DCC: variants seen among roughly 807,000 people sequenced by gnomAD.
DCC encodes DCC netrin 1 receptor, also known as netrin receptor DCC.
In DCC, 58 loss-of-function variants were observed where a neutral mutation model predicts 172.5. The ratio of observed to expected loss-of-function variants is 0.34; its 90% CI spans 0.27 to 0.42. DCC has a LOEUF of 0.42. Ranked by LOEUF, DCC falls within the 10% of genes least tolerant of loss-of-function variation. The pLI is 1.00. For missense variants in DCC, 1,740 were observed against 1,791.0 expected, an observed-to-expected ratio of 0.97 and a Z score of 0.51; for synonymous variants, 709 against 644.5, an observed-to-expected ratio of 1.10 and a Z score of -1.52.
intron 7 of DCC, among the ~76,000 whole-genome samples, chr18:53,093,541 G>C (rs1025805016): frequency 3.3e-5 from 5 of 152,146 alleles, no homozygotes; most frequent in African/African-American, 9.7e-5. Context: ...GAAGCGTTAG[G>C]CATGCTAATG....
At chr18:53,411,183 C>G (rs1462573479) in intron 20 of DCC, among the ~76,000 whole-genome samples, 1 of 151,892 alleles carries the variant, frequency 6.6e-6, no homozygotes, top group East Asian at 1.9e-4. Flanking sequence ...CAGAGAAACA[C>G]TAAAGCTGAA....
intron 12 of DCC, among the ~76,000 whole-genome samples, chr18:53,234,928 T>C (rs548180092): frequency 1.3e-5 from 2 of 152,370 alleles, no homozygotes; most frequent in South Asian, 4.1e-4. Context: ...ATATTCATTT[T>C]ATCACTTACA....
chr18:52,495,161 A>C, intron 1 of DCC, among the ~76,000 whole-genome samples: 1 of 152,032 alleles, frequency 6.6e-6, no homozygotes, highest in Admixed American at 6.6e-5. Flanking sequence ...ACTGTCAGAA[A>C]ACTCCATTCT....
chr18:53,055,599 G>C (rs2042392940), intron 5 of DCC, among the ~76,000 whole-genome samples: 1 of 152,118 alleles, frequency 6.6e-6, no homozygotes, highest in Admixed American at 6.6e-5. Flanking sequence ...CTTAAGGCTA[G>C]AAACCAACTT....
rs903390988 is a variant in DCC, at chr18:53,179,213, G to A, written c.1573+97G>A. On this transcript the variant is annotated intron_variant, in intron 9 of 28. Transcript: ENST00000442544. ...ACAGAACCTTTGCGAAGTGACAAAA[G>A]CGAAGAAGAGTTTTTTTTCTTCTAA... 41 of 1,233,114 alleles carry A rather than the reference G, an allele frequency of 3.3e-5. No homozygotes were observed. In the South Asian group the frequency reaches 4.3e-4, roughly 13 times the overall value. The allele number at this position is 1,233,114 out of a possible 1,614,324, so 76.4% of individuals were successfully genotyped here. A position where few individuals can be genotyped will look rare whatever the true frequency, so the allele number is the denominator to read the frequency against.
intron 12 of DCC, among the ~76,000 whole-genome samples, chr18:53,284,451 T>G (rs2056911913): frequency 6.6e-6 from 1 of 151,122 alleles, no homozygotes; most frequent in African/African-American, 2.4e-5. Context: ...AAAATGGGGG[T>G]TTCCCTGCAC....
intron 2 of DCC, among the ~76,000 whole-genome samples, chr18:52,821,531 C>T (rs1340556800): frequency 1.3e-5 from 2 of 152,168 alleles, no homozygotes; most frequent in Non-Finnish European, 2.9e-5. Flanking sequence ...CTCCCTTCAT[C>T]ATTCATTCCG....
chr18:53,453,153 G>A (rs1194673607), intron 23 of DCC, among the ~76,000 whole-genome samples: 2 of 152,066 alleles, frequency 1.3e-5, no homozygotes, highest in East Asian at 1.9e-4. Flanking sequence ...CTGACTTCAT[G>A]ATCTGCCCGC....
chr18:52,418,362 C>T lies in DCC; in HGVS notation c.91+77484C>T, dbSNP rs895276832. 2.6e-5 allele frequency among the ~76,000 whole-genome samples: 4 copies of T among 152,078 alleles called. No individual in the cohort carries two copies. The East Asian group carries it at 7.7e-4, about 29-fold the overall frequency. On this transcript the variant is annotated intron_variant, in intron 1 of 28. Transcript: ENST00000442544. ...GATAAACTAATAAACATGAAAATGG[C>T]CTCTGTAGGCAGACAAGGTAGAGAT...
At chr18:52,726,654 T>C in intron 1 of DCC, among the ~76,000 whole-genome samples, 1 of 152,196 alleles carries the variant, frequency 6.6e-6, no homozygotes, top group East Asian at 1.9e-4. Context: ...ACTCCAAATG[T>C]AATACTTTGA....
At chr18:52,596,092 T>G (rs573054103) in intron 1 of DCC, among the ~76,000 whole-genome samples, 2 of 152,338 alleles carry the variant, frequency 1.3e-5, no homozygotes, top group South Asian at 2.1e-4. Context: ...TAATTTAGAT[T>G]ACTCAGCACT....
At chr18:52,886,899 T>C (rs1157201971) in intron 2 of DCC, among the ~76,000 whole-genome samples, 1 of 152,022 alleles carries the variant, frequency 6.6e-6, no homozygotes, top group Non-Finnish European at 1.5e-5. Flanking sequence ...AAAAATTATT[T>C]TGCTTAGCTG....
chr18:52,779,542 C>G (rs57849931), intron 2 of DCC, among the ~76,000 whole-genome samples: 3,430 of 152,216 alleles, frequency 0.023, 125 homozygotes, highest in African/African-American at 0.078. Context: ...TTTTCTTTAT[C>G]CAGCTTATCA....
chr18:53,207,685 G>A lies in DCC; in HGVS notation c.1729G>A (p.Glu577Lys), dbSNP rs1034888647. 3 of 1,613,358 alleles carry A rather than the reference G, an allele frequency of 1.9e-6. No individual in the cohort carries two copies. The highest frequency in any genetic ancestry group is 1.7e-6 in the Non-Finnish European group (2 of 1,179,564). The change falls in exon 11 of 29, where the codon GAG becomes AAG. Residue 577 changes from glutamate (E) to lysine (K), a missense_variant. Glu to Lys is a moderately conservative substitution (Grantham distance 56, BLOSUM62 1). Transcript: ENST00000442544. Reference sequence around the variant, plus strand: ...TGGTGTTTTATGTCTCCAGAATATAGAGGTTGATGGACTATCTTATAAACT... The same window carrying A: ...TGGTGTTTTATGTCTCCAGAATATAAAGGTTGATGGACTATCTTATAAACT... ...EVSTGKEQNI[E>K]VDGLSYKLEG...
intron 1 of DCC, among the ~76,000 whole-genome samples, chr18:52,359,661 G>A (rs1984532738): frequency 6.6e-6 from 1 of 152,194 alleles, no homozygotes; most frequent in South Asian, 2.1e-4. Flanking sequence ...AGAAGCTTGA[G>A]TCCATGGTGA....
intron 1 of DCC, among the ~76,000 whole-genome samples, chr18:52,554,695 T>C (rs565082301): frequency 6.6e-6 from 1 of 152,192 alleles, no homozygotes; most frequent in Non-Finnish European, 1.5e-5. Context: ...CATTCTTCTG[T>C]GTTTTGGCCA....
rs1285881437 is a variant in DCC at position 52,913,842 on chromosome 18, T to C, written c.697+7514T>C. On this transcript the variant is annotated intron_variant, in intron 3 of 28. Transcript: ENST00000442544. The stretch of plus-strand genomic sequence containing the variant: ...TGAGGGTGTGTAGGATCCAGACTTA[T>C]AACCCATGAAGCAAAAGTCACAAAA... Among the ~76,000 whole-genome samples, 7 of 152,030 alleles carry C rather than the reference T, an allele frequency of 4.6e-5. No individual in the cohort carries two copies. In the East Asian group the frequency reaches 5.8e-4, roughly 13 times the overall value.
At chr18:52,514,448 C>A (rs1394453246) in intron 1 of DCC, among the ~76,000 whole-genome samples, 1 of 152,168 alleles carries the variant, frequency 6.6e-6, no homozygotes, top group African/African-American at 2.4e-5. Context: ...TACCTCTCCC[C>A]CAGTTCTCAA....
intron 2 of DCC, among the ~76,000 whole-genome samples, chr18:52,780,537 C>T (rs1005754837): frequency 1.8e-4 from 28 of 152,126 alleles, no homozygotes; most frequent in Non-Finnish European, 3.1e-4. Context: ...ACCTTTAGAA[C>T]TGAAGACCCC....
Sources: gnomAD v4.1 joint callset for allele counts (sites outside exome capture counted in the v4.1 genomes callset) on GRCh38, gnomAD v4.1.1 for gene constraint, MANE v1.5 for transcripts, NCBI Gene and HGNC (gene_info 2026-07-23, HGNC 2026-07-21) for gene names.